DDX10: variants seen among roughly 807,000 people sequenced by gnomAD.
DDX10 encodes the protein DEAD-box helicase 10.
DDX10 carries 74 observed loss-of-function variants against 104.3 expected under a neutral mutation model. The observed-to-expected ratio is 0.71, with a 90% CI of 0.59 to 0.86. The LOEUF (loss-of-function observed/expected upper bound fraction) is 0.86. Ranked by LOEUF, DDX10 falls within the 40% of genes least tolerant of loss-of-function variation. The probability of loss-of-function intolerance (pLI) is 0.00; values close to 1 mark genes in which losing one functional copy is unlikely to be tolerated. For synonymous variants in DDX10, 351 were observed against 353.4 expected (o/e 0.99, Z 0.08); for missense variants, 952 against 1,040.0 (o/e 0.92, Z 1.16).
At chr11:108,755,845 C>G (rs990598376) in intron 13 of DDX10, among the ~76,000 whole-genome samples, 2 of 151,884 alleles carry the variant, frequency 1.3e-5, no homozygotes, top group Non-Finnish European at 2.9e-5. Flanking sequence ...AGTACTAGCT[C>G]AAAAAGTTGT....
chr11:108,727,595 A>T (rs1389677909), intron 13 of DDX10: 1 of 152,368 alleles, frequency 6.6e-6, no homozygotes, highest in Non-Finnish European at 1.5e-5. Context: ...TCTCACTTTA[A>T]ACAGTAGGGT....
Position 108,727,124 on chromosome 11 carries a change from T to C in DDX10, c.1965+3662T>C, listed in dbSNP as rs1247298235. ...TTTCTGTTGTTGTGAGGGATATTGGTTTGCAGTTTTCTTTTTTTGCGATGA... is the reference window on the plus strand; with the variant it reads ...TTTCTGTTGTTGTGAGGGATATTGGCTTGCAGTTTTCTTTTTTTGCGATGA... On this transcript the variant is annotated intron_variant, in intron 13 of 17. Transcript: ENST00000322536. Among the ~76,000 whole-genome samples, 4 of 152,132 alleles carry C rather than the reference T, an allele frequency of 2.6e-5. No individual in the cohort carries two copies. The South Asian group carries it at 6.2e-4, about 24-fold the overall frequency.
At chr11:108,738,468 C>T (rs1028347120) in intron 13 of DDX10, among the ~76,000 whole-genome samples, 1 of 151,860 alleles carries the variant, frequency 6.6e-6, no homozygotes, top group Non-Finnish European at 1.5e-5. Context: ...CCTCTCTTTC[C>T]TAAAAAGGAG....
chr11:108,684,131 A>G (rs1353666218), intron 6 of DDX10, among the ~76,000 whole-genome samples: 1 of 13,566 alleles, frequency 7.4e-5, no homozygotes, highest in East Asian at 1.3e-3. Flanking sequence ...TATCTTATCT[A>G]TTTCCAGTTC....
intron 13 of DDX10, among the ~76,000 whole-genome samples, chr11:108,757,090 GGGAAGGCGCTGCTGA>G (rs147733205): frequency 0.034 from 5,218 of 152,000 alleles, 273 homozygotes; most frequent in African/African-American, 0.11. Context: ...GAGAGGACAG[GGGAAGGCGCTGCTGA>G]GGAAGGCGCT....
At chr11:108,780,923 C>G (rs2094377303) in intron 13 of DDX10, among the ~76,000 whole-genome samples, 1 of 152,074 alleles carries the variant, frequency 6.6e-6, no homozygotes, top group Admixed American at 6.5e-5. Flanking sequence ...AAACTTTATG[C>G]AGTAGTTTTT....
chr11:108,875,942 A>T (rs148822244), intron 16 of DDX10, among the ~76,000 whole-genome samples: 11 of 152,296 alleles, frequency 7.2e-5, no homozygotes, highest in African/African-American at 2.6e-4. Flanking sequence ...ACTTAGAGTG[A>T]CTAAGGTCGT....
chr11:108,770,474 ATT>A, intron 13 of DDX10, among the ~76,000 whole-genome samples: 1 of 149,130 alleles, frequency 6.7e-6, no homozygotes, highest in Non-Finnish European at 1.5e-5. Flanking sequence ...TTTTGTACTC[ATT>A]AACCATCCCC....
chr11:108,696,682 G>A (rs546552412), intron 9 of DDX10, among the ~76,000 whole-genome samples: 1 of 152,192 alleles, frequency 6.6e-6, no homozygotes, highest in South Asian at 2.1e-4. Context: ...AAGTGCATTG[G>A]GCCAGGGGTG....
chr11:108,904,105 T>A (rs1863556814), intron 16 of DDX10, among the ~76,000 whole-genome samples: 1 of 152,164 alleles, frequency 6.6e-6, no homozygotes, highest in African/African-American at 2.4e-5. Flanking sequence ...AAAAAAATTT[T>A]TTTTACTCTG....
chr11:108,752,568 G>C (rs1425852357), intron 13 of DDX10, among the ~76,000 whole-genome samples: 1 of 152,110 alleles, frequency 6.6e-6, no homozygotes, highest in African/African-American at 2.4e-5. Context: ...ATGGATGTCT[G>C]TTCTGAGTAG....
intron 13 of DDX10, among the ~76,000 whole-genome samples, chr11:108,830,500 A>T (rs1862454400): frequency 6.6e-6 from 1 of 152,184 alleles, no homozygotes; most frequent in Non-Finnish European, 1.5e-5. Flanking sequence ...AAACAGCGAC[A>T]GTTTGATTTA....
chr11:108,887,196 T>C (rs1404287649), intron 16 of DDX10, among the ~76,000 whole-genome samples: 1 of 152,190 alleles, frequency 6.6e-6, no homozygotes, highest in Non-Finnish European at 1.5e-5. Flanking sequence ...GGGAATACTT[T>C]ATTGCCATGT....
intron 13 of DDX10, among the ~76,000 whole-genome samples, chr11:108,781,240 A>C (rs552986109): frequency 6.6e-6 from 1 of 150,806 alleles, no homozygotes; most frequent in Non-Finnish European, 1.5e-5. Flanking sequence ...ACATGATTTC[A>C]CTCTTTTTTA....
intron 9 of DDX10, among the ~76,000 whole-genome samples, chr11:108,703,335 A>G (rs986869192): frequency 6.7e-6 from 1 of 148,382 alleles, no homozygotes; most frequent in East Asian, 2.1e-4. Flanking sequence ...TTTAAAGTGT[A>G]GATCTTTTTT....
chr11:108,725,058 C>T (rs1014296987), intron 13 of DDX10, among the ~76,000 whole-genome samples: 1 of 152,174 alleles, frequency 6.6e-6, no homozygotes, highest in South Asian at 2.1e-4. Context: ...TGTAGTGTTG[C>T]ATTTTTCAGA....
At chr11:108,831,971 A>G (rs900060347) in intron 13 of DDX10, among the ~76,000 whole-genome samples, 2 of 152,164 alleles carry the variant, frequency 1.3e-5, no homozygotes, top group African/African-American at 2.4e-5. Flanking sequence ...AAAGTCTAGC[A>G]TACGTGTTGT....
chr11:108,743,276 AACC>A (rs2094327510), intron 13 of DDX10, among the ~76,000 whole-genome samples: 1 of 152,204 alleles, frequency 6.6e-6, no homozygotes, highest in Non-Finnish European at 1.5e-5. Context: ...TAAAAGCAAA[AACC>A]ACATGATTAT....
chr11:108,793,376 C>T (rs1015283093), intron 13 of DDX10, among the ~76,000 whole-genome samples: 4 of 152,104 alleles, frequency 2.6e-5, no homozygotes, highest in South Asian at 2.1e-4. Context: ...TAAACATTAC[C>T]GACAAGCTGG....
Sources: gnomAD v4.1 joint callset for allele counts (sites outside exome capture counted in the v4.1 genomes callset) on GRCh38, gnomAD v4.1.1 for gene constraint, MANE v1.5 for transcripts, NCBI Gene and HGNC (gene_info 2026-07-23, HGNC 2026-07-21) for gene names.